Variants in VRK3 observed in about 807,000 individuals in gnomAD.
The protein encoded by VRK3 is VRK serine/threonine kinase 3, also known as serine/threonine-protein kinase VRK3.
VRK3 carries 50 observed loss-of-function variants against 60.4 expected under a neutral mutation model. That is an observed-to-expected ratio of 0.83 (90% CI 0.66 to 1.05). The LOEUF (loss-of-function observed/expected upper bound fraction) is 1.05, where lower values mean the gene tolerates loss of function less well. VRK3 is among the 50% of genes least tolerant of loss of function. The pLI is 0.00. For synonymous variants in VRK3, 246 were observed against 227.8 expected (o/e 1.08, Z -0.72); for missense variants, 549 against 585.3 (o/e 0.94, Z 0.64).
At chr19:49,997,351 G>GT (rs1422532440) in intron 7 of VRK3, 153 bp downstream of exon 7, 1 of 722,704 alleles carries the variant, frequency 1.4e-6, no homozygotes, top group African/African-American at 1.8e-5. Flanking sequence ...GGCCTGAGGG[G>GT]TCACAGGAGT....
At chr19:50,022,073 A>G (rs750737880) in intron 1 of VRK3, among the ~76,000 whole-genome samples, 25 of 152,164 alleles carry the variant, frequency 1.6e-4, no homozygotes, top group Non-Finnish European at 3.4e-4. Context: ...ATGATGCTCA[A>G]AGGGTGACAA....
intron 1 of VRK3, among the ~76,000 whole-genome samples, chr19:50,022,206 G>C (rs1408477173): frequency 1.3e-5 from 2 of 152,118 alleles, no homozygotes; most frequent in Non-Finnish European, 2.9e-5. Context: ...ACGCAAAACC[G>C]GACTGGGTTC....
At chr19:49,985,765 G>T (rs1321600030) in intron 12 of VRK3, among the ~76,000 whole-genome samples, 2 of 152,164 alleles carry the variant, frequency 1.3e-5, no homozygotes, top group Non-Finnish European at 2.9e-5. Flanking sequence ...ACATGGCAAG[G>T]GTTCAGTATT....
At chr19:49,983,126 C>T (rs750017149) in intron 12 of VRK3, among the ~76,000 whole-genome samples, 1 of 152,056 alleles carries the variant, frequency 6.6e-6, no homozygotes, top group Non-Finnish European at 1.5e-5. Context: ...CCTCCCTGCT[C>T]ACAGCCCACC....
At chr19:49,994,438 C>G (rs556833694) in intron 9 of VRK3, among the ~76,000 whole-genome samples, 34 of 152,366 alleles carry the variant, frequency 2.2e-4, no homozygotes, top group East Asian at 1.2e-3. Flanking sequence ...TCCACACAAG[C>G]CTTGCCCCAG....
chr19:49,982,762 TAC>T (rs2076445024), intron 12 of VRK3, among the ~76,000 whole-genome samples: 1 of 152,192 alleles, frequency 6.6e-6, no homozygotes, highest in African/African-American at 2.4e-5. Context: ...TACACACACA[TAC>T]ACATATATGT....
At chr19:49,981,187 A>C in intron 12 of VRK3, 174 bp from the exon 13 acceptor site, 1 of 641,024 alleles carries the variant, frequency 1.6e-6, no homozygotes, top group South Asian at 1.8e-5. Context: ...ATCCACTACC[A>C]TTGCTCCCAA....
At chr19:50,010,800 C>T (rs1242090014) in intron 3 of VRK3, among the ~76,000 whole-genome samples, 1 of 152,164 alleles carries the variant, frequency 6.6e-6, no homozygotes, top group Non-Finnish European at 1.5e-5. Flanking sequence ...GTAAACCCAG[C>T]TACTTGAGAA....
intron 5 of VRK3, among the ~76,000 whole-genome samples, chr19:50,005,922 C>A (rs767563861): frequency 2.0e-5 from 3 of 149,160 alleles, no homozygotes; most frequent in African/African-American, 7.8e-5. Context: ...GTGACAGAAA[C>A]GTCCTGGAAT....
rs865998428 is a variant in VRK3 at position 49,986,434 on chromosome 19, G to C, written c.1217+1938C>G. 4 of 153,302 alleles carry C rather than the reference G, an allele frequency of 2.6e-5. No individual in the cohort carries two copies. In the Middle Eastern group the frequency reaches 0.01, roughly 391 times the overall value. The allele number at this position is 153,302 out of a possible 1,614,324, so 9.5% of individuals were successfully genotyped here. A position where few individuals can be genotyped will look rare whatever the true frequency, so the allele number is the denominator to read the frequency against. On this transcript the variant is annotated intron_variant, in intron 12 of 14. Transcript: ENST00000316763. ...TGAACTCGGTCCACATGTAGGGATA[G>C]GGTTAAAGCTGAAGAGAGCCAGAGA...
chr19:50,009,415 G>A (rs759960435), intron 3 of VRK3, 30 bp from the exon 4 acceptor site: 7 of 1,610,492 alleles, frequency 4.3e-6, no homozygotes, highest in Non-Finnish European at 5.9e-6. Context: ...ATGCAGACTG[G>A]AGTTACAAAG....
intron 6 of VRK3, chr19:49,997,799 C>G (rs2076731520): frequency 4.3e-6 from 2 of 467,396 alleles, no homozygotes; most frequent in African/African-American, 2.0e-5. Context: ...CACAGTGTTC[C>G]CTAGAATGTA....
At chr19:50,023,207 T>C (rs1157838618) in intron 1 of VRK3, among the ~76,000 whole-genome samples, 6 of 152,314 alleles carry the variant, frequency 3.9e-5, no homozygotes, top group Non-Finnish European at 8.8e-5. Flanking sequence ...TTTTTTGAGA[T>C]GGAGTTTGGC....
At chr19:49,994,742 T>C (rs2076671300) in intron 9 of VRK3, 72 bp downstream of exon 9, 2 of 1,399,610 alleles carry the variant, frequency 1.4e-6, no homozygotes, top group African/African-American at 2.8e-5. Flanking sequence ...TGTCAATGAC[T>C]AAAGTGCCTG....
intron 12 of VRK3, chr19:49,987,677 C>T (rs912791743): frequency 6.7e-6 from 1 of 148,306 alleles, no homozygotes; most frequent in African/African-American, 2.5e-5. Context: ...ATGAATGAGT[C>T]ATAGTTTCCC....
intron 5 of VRK3, among the ~76,000 whole-genome samples, chr19:50,006,593 T>A (rs2076895971): frequency 2.6e-5 from 4 of 152,122 alleles, no homozygotes; most frequent in Non-Finnish European, 5.9e-5. Context: ...GCCAGGATGG[T>A]CTCGATCTCC....
At chr19:50,001,693 T>G (rs985650392) in intron 5 of VRK3, among the ~76,000 whole-genome samples, 1 of 152,034 alleles carries the variant, frequency 6.6e-6, no homozygotes, top group Non-Finnish European at 1.5e-5. Flanking sequence ...CTGTGCTAAG[T>G]GTGGGCTTCA....
At chr19:49,989,889 A>G in intron 10 of VRK3, 118 bp from the exon 11 acceptor site, 1 of 1,215,306 alleles carries the variant, frequency 8.2e-7, no homozygotes, top group Non-Finnish European at 1.1e-6. Context: ...TTTCACTTAC[A>G]AAACTAAGGC....
chr19:50,013,170 A>G (rs1001854444), intron 3 of VRK3, among the ~76,000 whole-genome samples: 2 of 152,206 alleles, frequency 1.3e-5, no homozygotes, highest in African/African-American at 4.8e-5. Flanking sequence ...CCGTCTCAAA[A>G]ACAAAACAAA....
Sources: allele counts gnomAD v4.1 joint callset (sites outside exome capture counted in the v4.1 genomes callset), GRCh38; gene constraint gnomAD v4.1.1; transcripts MANE v1.5; gene names NCBI Gene and HGNC (gene_info 2026-07-23, HGNC 2026-07-21).